The following EYS variants were observed in gnomAD, a reference collection of about 807,000 sequenced individuals.
EYS encodes the protein EGF-like photoreceptor maintenance factor.
Under a neutral mutation model 282.1 loss-of-function variants are expected in EYS, and 250 were observed. The observed-to-expected ratio is 0.89, with a 90% CI of 0.80 to 0.98. EYS has a LOEUF of 0.98. Among genes scored for constraint, EYS ranks in the 50% least tolerant of loss-of-function variants. EYS has a pLI of 0.00. For synonymous variants in EYS, 1,355 were observed against 1,282.9 expected, an observed-to-expected ratio of 1.06 and a Z score of -1.20; for missense variants, 4,016 against 3,709.0, an observed-to-expected ratio of 1.08 and a Z score of -2.15.
chr6:65,000,397 G>T (rs1771424398), intron 13 of EYS, among the ~76,000 whole-genome samples: 1 of 152,174 alleles, frequency 6.6e-6, no homozygotes, highest in Non-Finnish European at 1.5e-5. Flanking sequence ...ATGTGTACCA[G>T]ACATCATATA....
intron 33 of EYS, among the ~76,000 whole-genome samples, chr6:64,018,042 T>C (rs775999610): frequency 1.6e-4 from 24 of 152,208 alleles, no homozygotes; most frequent in South Asian, 6.2e-4. Context: ...TAACCATGTC[T>C]TATGTGTAAA....
intron 24 of EYS, among the ~76,000 whole-genome samples, chr6:64,613,305 T>C (rs943849100): frequency 6.6e-6 from 1 of 152,064 alleles, no homozygotes; most frequent in South Asian, 2.1e-4. Flanking sequence ...AAATCCTTTT[T>C]TTAAAAGACA....
intron 2 of EYS, among the ~76,000 whole-genome samples, chr6:65,521,879 A>C (rs1441440503): frequency 6.6e-6 from 1 of 152,144 alleles, no homozygotes; most frequent in Non-Finnish European, 1.5e-5. Flanking sequence ...CTTGGTATAT[A>C]ACGGATGTTT....
At chr6:65,306,397 T>C (rs1406616166) in intron 11 of EYS, among the ~76,000 whole-genome samples, 2 of 152,156 alleles carry the variant, frequency 1.3e-5, no homozygotes, top group African/African-American at 4.8e-5. Flanking sequence ...TACCAATCCA[T>C]CTTCAGCTGA....
intron 18 of EYS, among the ~76,000 whole-genome samples, chr6:64,901,172 T>C (rs2150071173): frequency 6.6e-6 from 1 of 151,326 alleles, no homozygotes; most frequent in East Asian, 1.9e-4. Context: ...TTCTCTCTTA[T>C]AAGTGGGAGT....
chr6:64,349,788 A>G (rs1032368356), intron 29 of EYS, among the ~76,000 whole-genome samples: 1 of 151,572 alleles, frequency 6.6e-6, no homozygotes, highest in African/African-American at 2.4e-5. Flanking sequence ...ATTCAATAAC[A>G]ATATTTATTG....
At chr6:65,436,038 G>A (rs956123718) in intron 5 of EYS, among the ~76,000 whole-genome samples, 3 of 151,604 alleles carry the variant, frequency 2.0e-5, no homozygotes, top group Admixed American at 1.3e-4. Context: ...TTTTTTTTAC[G>A]ATTGTCCTAA....
rs1582873354 is a variant in EYS at position 64,542,455 on chromosome 6, T to C, written c.5644+47768A>G. Among the ~76,000 whole-genome samples the C allele has an allele frequency of 2.0e-5, 3 of 152,120 alleles. No homozygotes were observed. In the South Asian group the frequency reaches 6.2e-4, roughly 32 times the overall value. ...TAGCTAAGACAAGAACTCTAGCATT[T>C]ACCTGAATATAAAGCTTTTGGATAG... On this transcript the variant is annotated intron_variant, in intron 26 of 42. Coordinates refer to ENST00000503581, the MANE Select transcript of EYS (RefSeq NM_001142800.2).
intron 8 of EYS, among the ~76,000 whole-genome samples, chr6:65,368,166 A>C (rs928645564): frequency 6.6e-6 from 1 of 151,628 alleles, no homozygotes; most frequent in African/African-American, 2.4e-5. Context: ...TCAGAAGAAC[A>C]GCAGCATGGG....
intron 12 of EYS, among the ~76,000 whole-genome samples, chr6:65,184,978 T>A (rs1291252328): frequency 6.6e-6 from 1 of 151,304 alleles, no homozygotes; most frequent in Non-Finnish European, 1.5e-5. Context: ...TGTTCTAGTA[T>A]GTAATAAAAA....
intron 13 of EYS, among the ~76,000 whole-genome samples, chr6:65,006,600 C>A (rs1771672465): frequency 6.6e-6 from 1 of 151,392 alleles, no homozygotes; most frequent in African/African-American, 2.4e-5. Flanking sequence ...GTAACTCCAA[C>A]CACTGATAAT....
chr6:63,914,607 C>T (rs1433493598), intron 35 of EYS, among the ~76,000 whole-genome samples: 1 of 151,846 alleles, frequency 6.6e-6, no homozygotes, highest in Non-Finnish European at 1.5e-5. Flanking sequence ...ACTCAGGAGG[C>T]TGAGGCAGGA....
intron 22 of EYS, among the ~76,000 whole-genome samples, chr6:64,799,809 CATAA>C (rs1357556905): frequency 6.6e-6 from 1 of 151,668 alleles, no homozygotes; most frequent in East Asian, 1.9e-4. Context: ...TGAATATCTA[CATAA>C]ATAAAGTAGA....
chr6:65,185,146 TA>T (rs1765487864), intron 12 of EYS, among the ~76,000 whole-genome samples: 1 of 151,756 alleles, frequency 6.6e-6, no homozygotes, highest in Non-Finnish European at 1.5e-5. Context: ...ATAGATCCAC[TA>T]AAATATTAAC....
chr6:64,554,452 A>T (rs1212040076), intron 26 of EYS, among the ~76,000 whole-genome samples: 1 of 152,066 alleles, frequency 6.6e-6, no homozygotes, highest in Non-Finnish European at 1.5e-5. Flanking sequence ...GCTGAATAAC[A>T]ATGACAAATT....
At chr6:64,186,495 C>T (rs1764950489) in intron 31 of EYS, among the ~76,000 whole-genome samples, 1 of 152,066 alleles carries the variant, frequency 6.6e-6, no homozygotes, top group Admixed American at 6.6e-5. Context: ...CCTCTAGCAC[C>T]TAATTCATGT....
At chr6:64,599,041 G>A (rs541040060) in intron 24 of EYS, among the ~76,000 whole-genome samples, 1 of 152,322 alleles carries the variant, frequency 6.6e-6, no homozygotes, top group Admixed American at 6.5e-5. Context: ...AAGAGAATAA[G>A]GGAAGGCCAT....
At chr6:65,061,805 G>C (rs191349382) in intron 12 of EYS, among the ~76,000 whole-genome samples, 1 of 151,858 alleles carries the variant, frequency 6.6e-6, no homozygotes, top group East Asian at 1.9e-4. Flanking sequence ...CTCCTCATAG[G>C]AACCATCATG....
chr6:64,442,165 C>T (rs1031376259), intron 26 of EYS, among the ~76,000 whole-genome samples: 51 of 152,096 alleles, frequency 3.4e-4, no homozygotes, highest in Admixed American at 9.2e-4. Context: ...AGATTAGGAA[C>T]TTGTTGGGAA....
Sources: allele counts gnomAD v4.1 joint callset (sites outside exome capture counted in the v4.1 genomes callset), GRCh38; gene constraint gnomAD v4.1.1; transcripts MANE v1.5; gene names NCBI Gene and HGNC (gene_info 2026-07-23, HGNC 2026-07-21).